THUMPD1: variants seen among roughly 807,000 people sequenced by gnomAD.
THUMPD1 encodes THUMP domain 1 NAT10 acetyltransferase adaptor.
In THUMPD1, 31 loss-of-function variants were observed where a neutral mutation model predicts 31.6. The observed-to-expected ratio is 0.98, with a 90% CI of 0.74 to 1.32. The LOEUF is 1.32. Ranked by LOEUF, THUMPD1 falls within the 40% of genes most tolerant of loss-of-function variation. The probability of loss-of-function intolerance (pLI) is 0.00; values close to 1 mark genes in which losing one functional copy is unlikely to be tolerated. For missense variants in THUMPD1, 446 were observed against 427.8 expected (o/e 1.04, Z -0.38); for synonymous variants, 166 against 158.2 (o/e 1.05, Z -0.37).
rs543588615 is a variant in THUMPD1, at chr16:20,736,578, G to A, written c.*302C>T. 1.2e-4 allele frequency: 37 copies of A among 296,250 alleles called. No individual in the cohort carries two copies. Among genetic ancestry groups the A allele is most frequent in the African/African-American group, 7.4e-4 (35 of 47,016 alleles). The allele number at this position is 296,250 out of a possible 1,614,324, so 18.4% of individuals were successfully genotyped here. ...CCTCTGATTTTCTACTTCACAGGTA[G>A]TTCACTCCCTTAAGTCAGCTGGCAC... On this transcript the variant is annotated 3_prime_UTR_variant, in exon 4 of 4. Transcript: ENST00000396083.
intron 1 of THUMPD1, 30 bp downstream of exon 1, chr16:20,741,479 C>CA: frequency 7.5e-7 from 1 of 1,329,524 alleles, no homozygotes; most frequent in Non-Finnish European, 9.8e-7. Flanking sequence ...GCCTGGCAGC[C>CA]GGCCCGCCCG....
chr16:20,741,481 G>GCCC, intron 1 of THUMPD1, 28 bp downstream of exon 1: 3 of 1,308,414 alleles, frequency 2.3e-6, no homozygotes, highest in Admixed American at 3.7e-5. Flanking sequence ...CTGGCAGCCG[G>GCCC]CCCGCCCGCC....
Position 20,736,869 on chromosome 16 carries a change from C to T in THUMPD1, c.*11G>A, listed in dbSNP as rs2079873964. The T allele has an allele frequency of 1.2e-6, 2 of 1,610,712 alleles. No individual in the cohort carries two copies. The highest frequency in any genetic ancestry group is 1.7e-5 in the Admixed American group (1 of 59,814). On this transcript the variant is annotated 3_prime_UTR_variant, in exon 4 of 4. Coordinates refer to ENST00000396083, the MANE Select transcript of THUMPD1 (RefSeq NM_017736.5). ...CAGGTGAGAAACCCACCTCCAACAC[C>T]AAATGACTTCCTATGAGAAGTCATT...
rs899813772 is a variant in THUMPD1, at chr16:20,735,724, A to G, written c.*1156T>C. ...CATTTACAAATCTTACAAATGCTAC[A>G]GCATGACAAATATTAGTGAAACCTG... is the stretch of plus-strand genomic sequence containing the variant. On this transcript the variant is annotated 3_prime_UTR_variant, in exon 4 of 4. Coordinates refer to ENST00000396083, the MANE Select transcript of THUMPD1 (RefSeq NM_017736.5). 1 of 152,230 alleles carries G rather than the reference A, an allele frequency of 6.6e-6. No individual in the cohort carries two copies. Among genetic ancestry groups the G allele is most frequent in the African/African-American group, 2.4e-5 (1 of 41,456 alleles). The allele number at this position is 152,230 out of a possible 1,614,324, so 9.4% of individuals were successfully genotyped here.
rs1346048740 is a variant in THUMPD1, at chr16:20,733,897, G to T, written c.*2983C>A. On this transcript the variant is annotated 3_prime_UTR_variant, in exon 4 of 4. Coordinates refer to ENST00000396083, the MANE Select transcript of THUMPD1 (RefSeq NM_017736.5). The stretch of plus-strand genomic sequence containing the variant: ...CAGTTTTTTTATTTTTTTAACTGAC[G>T]TAATTTTTTAAAAGAAAAAACAAAA... 6.6e-6 allele frequency: 1 copy of T among 151,664 alleles called. No homozygotes were observed. Among genetic ancestry groups the T allele is most frequent in the Non-Finnish European group, 1.5e-5 (1 of 67,908 alleles). 9.4% of individuals were successfully genotyped at this position (151,664 alleles called of 1,614,324 possible). A position where few individuals can be genotyped will look rare whatever the true frequency, so the allele number is the denominator to read the frequency against.
chr16:20,740,534 A>G (rs1271209407), intron 1 of THUMPD1, among the ~76,000 whole-genome samples: 1 of 152,250 alleles, frequency 6.6e-6, no homozygotes, highest in African/African-American at 2.4e-5. Context: ...ACTTTATTAC[A>G]TACCAGTATG....
chr16:20,741,783 T>A lies in THUMPD1; in HGVS notation c.-44A>T, dbSNP rs947489964. 3 of 1,549,166 alleles carry A rather than the reference T, an allele frequency of 1.9e-6. No homozygotes were observed. Among genetic ancestry groups the A allele is most frequent in the Non-Finnish European group, 2.6e-6 (3 of 1,147,180 alleles). On this transcript the variant is annotated 5_prime_UTR_variant, in exon 1 of 4. Coordinates refer to ENST00000396083, the MANE Select transcript of THUMPD1 (RefSeq NM_017736.5). The stretch of plus-strand genomic sequence containing the variant: ...GGAAAGAGAAACGTTTCTCCGCTGC[T>A]GTTGGCGTCCTCGTCTATCGCCGGC...
chr16:20,736,585 C>A lies in THUMPD1; in HGVS notation c.*295G>T, dbSNP rs565360576. ...TTTTCTACTTCACAGGTAGTTCACT[C>A]CCTTAAGTCAGCTGGCACTGCAGAA... is the stretch of plus-strand genomic sequence containing the variant. On this transcript the variant is annotated 3_prime_UTR_variant, in exon 4 of 4. Transcript: ENST00000396083. The A allele has an allele frequency of 1.5e-5, 5 of 329,382 alleles. No individual in the cohort carries two copies. In the East Asian group the frequency reaches 2.7e-4, roughly 18 times the overall value. The allele number at this position is 329,382 out of a possible 1,614,324, so 20.4% of individuals were successfully genotyped here.
chr16:20,739,692 A>G (rs2079900898), intron 1 of THUMPD1, among the ~76,000 whole-genome samples: 1 of 151,886 alleles, frequency 6.6e-6, no homozygotes, highest in African/African-American at 2.4e-5. Context: ...GTGGTGGCAG[A>G]CGCCTGTAAT....
intron 2 of THUMPD1, 36 bp from the exon 3 acceptor site, chr16:20,737,992 C>G (rs377037430): frequency 6.4e-7 from 1 of 1,556,152 alleles, no homozygotes; most frequent in African/African-American, 1.4e-5. Flanking sequence ...GATAATTTCT[C>G]AGACATCTTA....
Position 20,741,788 on chromosome 16 carries a change from G to T in THUMPD1, c.-49C>A, listed in dbSNP as rs545428946. 6.5e-7 allele frequency: 1 copy of T among 1,548,368 alleles called. No homozygotes were observed. The highest frequency in any genetic ancestry group is 8.7e-7 in the Non-Finnish European group (1 of 1,147,052). On this transcript the variant is annotated 5_prime_UTR_variant, in exon 1 of 4. Coordinates refer to ENST00000396083, the MANE Select transcript of THUMPD1 (RefSeq NM_017736.5). ...GAGAAACGTTTCTCCGCTGCTGTTGGCGTCCTCGTCTATCGCCGGCGCGAA... is the reference window on the plus strand; with the variant it reads ...GAGAAACGTTTCTCCGCTGCTGTTGTCGTCCTCGTCTATCGCCGGCGCGAA...
chr16:20,737,144 C>T lies in THUMPD1; in HGVS notation c.798G>A (p.Glu266=), dbSNP rs766777438. The stretch of plus-strand genomic sequence containing the variant: ...ACGGATCCTTAGGGCTCTTCACCAC[C>T]TCCTGGAGATTGTATTTTCTAAACA... ...YMLFRKYNLQ[E]VVKSPKDPSQ... Residue 266 remains glutamate, a synonymous_variant, in exon 4 of 4, where the codon GAG becomes GAA. Coordinates refer to ENST00000396083, the MANE Select transcript of THUMPD1 (RefSeq NM_017736.5). The T allele has an allele frequency of 6.2e-7, 1 of 1,614,200 alleles. No homozygotes were observed. Among genetic ancestry groups the T allele is most frequent in the Non-Finnish European group, 8.5e-7 (1 of 1,180,046 alleles).
In THUMPD1 at chr16:20,733,875, T is replaced by G. The variant is rs987748504; in HGVS notation, c.*3005A>C. 6.6e-6 allele frequency: 1 copy of G among 152,038 alleles called. No individual in the cohort carries two copies. Among genetic ancestry groups the G allele is most frequent in the Non-Finnish European group, 1.5e-5 (1 of 67,956 alleles). The allele number at this position is 152,038 out of a possible 1,614,324, so 9.4% of individuals were successfully genotyped here. A position where few individuals can be genotyped will look rare whatever the true frequency, so the allele number is the denominator to read the frequency against. ...AGTTTTCTAAACCATAAGACTGCAG[T>G]TTTTTTATTTTTTTAACTGACGTAA... On this transcript the variant is annotated 3_prime_UTR_variant, in exon 4 of 4. Coordinates refer to ENST00000396083, the MANE Select transcript of THUMPD1 (RefSeq NM_017736.5).
In THUMPD1 at chr16:20,736,362, T is replaced by C. The variant is rs1724863176; in HGVS notation, c.*518A>G. 7.2e-6 allele frequency: 1 copy of C among 139,610 alleles called. No individual in the cohort carries two copies. Among genetic ancestry groups the C allele is most frequent in the African/African-American group, 2.7e-5 (1 of 37,396 alleles). The allele number at this position is 139,610 out of a possible 1,614,324, so 8.6% of individuals were successfully genotyped here. A position where few individuals can be genotyped will look rare whatever the true frequency, so the allele number is the denominator to read the frequency against. ...AATTGCGACACTGGACTGTCAGCTA[T>C]ATTACACACAAATGTTAAAAAAAAA... On this transcript the variant is annotated 3_prime_UTR_variant, in exon 4 of 4. Transcript: ENST00000396083.
chr16:20,736,923 T>A lies in THUMPD1; in HGVS notation c.1019A>T (p.Gln340Leu). The part of the protein sequence containing the change: ...EGGAKPELAS[Q>L]ATEGSKSNEN... ...ATTTGACTTGGATCCTTCTGTGGCT[T>A]GACTTGCAAGTTCAGGTTTGGCTCC... Residue 340 changes from glutamine to leucine, a missense_variant, in exon 4 of 4, where the codon CAA becomes CTA. By Grantham distance (113) the Gln-to-Leu change is moderately radical (BLOSUM62 -2). Transcript: ENST00000396083. The A allele has an allele frequency of 6.2e-7, 1 of 1,614,204 alleles. No homozygotes were observed. Among genetic ancestry groups the A allele is most frequent in the Admixed American group, 1.7e-5 (1 of 60,024 alleles).
rs1364856574 is a variant in THUMPD1, at chr16:20,737,881, C to T, written c.482G>A (p.Arg161Gln). 2.5e-6 allele frequency: 4 copies of T among 1,613,584 alleles called. No individual in the cohort carries two copies. Among genetic ancestry groups the T allele is most frequent in the African/African-American group, 1.3e-5 (1 of 74,902 alleles). The change falls in exon 3 of 4, where the codon CGA becomes CAA. Residue 161 changes from arginine to glutamine, a missense_variant. Physicochemically the swap from Arg to Gln is conservative, Grantham distance 43 (BLOSUM62 1). Transcript: ENST00000396083. ...TKKKKTRVIL[R>Q]MLPISGTCKA... ...GCATGTGCCTGAGATGGGTAACATT[C>T]GCAAAATAACTCGAGTCTTCTTTTT...
In THUMPD1 at chr16:20,734,602, A is replaced by G. The variant is rs1459728872; in HGVS notation, c.*2278T>C. Reference sequence around the variant, plus strand: ...AGGATTTCCTAACTTTTTAAAACTTAAGGATAAGTCCATTTCTACAAGCTA... The same window carrying G: ...AGGATTTCCTAACTTTTTAAAACTTGAGGATAAGTCCATTTCTACAAGCTA... On this transcript the variant is annotated 3_prime_UTR_variant, in exon 4 of 4. Coordinates refer to ENST00000396083, the MANE Select transcript of THUMPD1 (RefSeq NM_017736.5). 1 of 152,198 alleles carries G rather than the reference A, an allele frequency of 6.6e-6. No homozygotes were observed. Among genetic ancestry groups the G allele is most frequent in the Non-Finnish European group, 1.5e-5 (1 of 68,024 alleles). 9.4% of individuals were successfully genotyped at this position (152,198 alleles called of 1,614,324 possible).
Position 20,737,779 on chromosome 16 carries a change from G to A in THUMPD1, c.584C>T (p.Thr195Ile). The stretch of plus-strand genomic sequence containing the variant: ...TCGAGATTTGTACACAATCTGAAAT[G>A]TCCCTTTGTTTGGAGCTTTAAACCA... ...EPWFKAPNKGTFQIVYKSRNN... is the reference protein window; with the variant it reads ...EPWFKAPNKGIFQIVYKSRNN... The change falls in exon 3 of 4, where the codon ACA (threonine) becomes ATA (isoleucine). Residue 195 changes from threonine to isoleucine, a missense_variant. Transcript: ENST00000396083. 6.2e-7 allele frequency: 1 copy of A among 1,613,784 alleles called. No homozygotes were observed. Among genetic ancestry groups the A allele is most frequent in the Non-Finnish European group, 8.5e-7 (1 of 1,179,856 alleles).
rs944472438 is a variant in THUMPD1 at position 20,734,670 on chromosome 16, T to G, written c.*2210A>C. On this transcript the variant is annotated 3_prime_UTR_variant, in exon 4 of 4. Coordinates refer to ENST00000396083, the MANE Select transcript of THUMPD1 (RefSeq NM_017736.5). ...TATTCTTAATCTGGACAGTTAATTT[T>G]GCAGACTTTGTTGGTGTCTGCCTTT... The G allele has an allele frequency of 9.9e-5, 15 of 152,244 alleles. No homozygotes were observed. The highest frequency in any genetic ancestry group is 3.6e-4 in the African/African-American group (15 of 41,468). The allele number at this position is 152,244 out of a possible 1,614,324, so 9.4% of individuals were successfully genotyped here.
Sources: allele counts gnomAD v4.1 joint callset (sites outside exome capture counted in the v4.1 genomes callset), GRCh38; gene constraint gnomAD v4.1.1; transcripts MANE v1.5; gene names NCBI Gene and HGNC (gene_info 2026-07-23, HGNC 2026-07-21).